FGF14: variants seen among roughly 807,000 people sequenced by gnomAD.
The protein encoded by FGF14 is fibroblast growth factor homologous factor 4.
A neutral mutation model predicts 25.5 loss-of-function variants in FGF14; 5 were observed. The ratio of observed to expected loss-of-function variants is 0.20; its 90% confidence interval spans 0.10 to 0.41. The LOEUF is 0.41. FGF14 is among the 10% of genes least tolerant of loss of function. The pLI is 1.00. For missense variants in FGF14, 222 were observed against 320.1 expected, an observed-to-expected ratio of 0.69 and a Z score of 2.34; for synonymous variants, 138 against 118.3, an observed-to-expected ratio of 1.17 and a Z score of -1.08.
chr13:102,307,289 C>G (rs1029650981), intron 1 of FGF14, among the ~76,000 whole-genome samples: 1 of 152,100 alleles, frequency 6.6e-6, no homozygotes, highest in Non-Finnish European at 1.5e-5. Context: ...GGAACGCAGG[C>G]CCCTGATGCC....
chr13:101,901,854 T>A (rs1024502682), intron 1 of FGF14, among the ~76,000 whole-genome samples: 4 of 152,204 alleles, frequency 2.6e-5, no homozygotes, highest in Non-Finnish European at 5.9e-5. Context: ...GTTTCCATTC[T>A]TTCGTTTGAA....
At chr13:101,759,425 G>C (rs894226503) in intron 3 of FGF14, among the ~76,000 whole-genome samples, 2 of 152,206 alleles carry the variant, frequency 1.3e-5, no homozygotes, top group Admixed American at 1.3e-4. Context: ...GGTGGGGCCA[G>C]TGGTGCAGCC....
intron 1 of FGF14, among the ~76,000 whole-genome samples, chr13:102,113,675 C>T (rs1471275323): frequency 3.9e-5 from 6 of 152,186 alleles, no homozygotes; most frequent in African/African-American, 1.2e-4. Flanking sequence ...ATGGACGGTG[C>T]TGCTGTGTAG....
chr13:101,936,733 C>T (rs1480724886), intron 1 of FGF14, among the ~76,000 whole-genome samples: 1 of 152,064 alleles, frequency 6.6e-6, no homozygotes, highest in African/African-American at 2.4e-5. Flanking sequence ...CACTATCTTC[C>T]CCACAATACT....
chr13:102,055,153 T>C (rs1032439351), intron 1 of FGF14, among the ~76,000 whole-genome samples: 7 of 152,232 alleles, frequency 4.6e-5, no homozygotes, highest in Non-Finnish European at 8.8e-5. Context: ...AAATCCAACC[T>C]AGTTTTTCAG....
chr13:101,879,920 T>C (rs894044012), intron 1 of FGF14, among the ~76,000 whole-genome samples: 1 of 152,042 alleles, frequency 6.6e-6, no homozygotes, highest in Non-Finnish European at 1.5e-5. Context: ...ACCACAAAAA[T>C]AAACTGTGTC....
intron 1 of FGF14, among the ~76,000 whole-genome samples, chr13:102,280,769 A>C (rs1594704100): frequency 6.6e-6 from 1 of 152,222 alleles, no homozygotes; most frequent in East Asian, 1.9e-4. Flanking sequence ...ACAAACAAAC[A>C]AGATCTAGAG....
At chr13:102,030,487 A>G (rs976206558) in intron 1 of FGF14, among the ~76,000 whole-genome samples, 50 of 152,260 alleles carry the variant, frequency 3.3e-4, no homozygotes, top group African/African-American at 1.2e-3. Context: ...TTCTTGAGAC[A>G]GTCACCAGGC....
At chr13:102,173,443 G>T (rs1275088779) in intron 1 of FGF14, among the ~76,000 whole-genome samples, 2 of 152,078 alleles carry the variant, frequency 1.3e-5, no homozygotes, top group Non-Finnish European at 2.9e-5. Flanking sequence ...ATCAAAAATA[G>T]AACTGCCATG....
chr13:102,042,105 CTG>C (rs994525647), intron 1 of FGF14, among the ~76,000 whole-genome samples: 5 of 152,160 alleles, frequency 3.3e-5, no homozygotes, highest in African/African-American at 1.2e-4. Context: ...TTGTAAAAGA[CTG>C]AATCAATTTT....
At chr13:102,236,705 T>A (rs2051342318) in intron 1 of FGF14, among the ~76,000 whole-genome samples, 1 of 152,132 alleles carries the variant, frequency 6.6e-6, no homozygotes, top group Admixed American at 6.5e-5. Context: ...GTCAAACAAT[T>A]CACACTGAGC....
chr13:101,832,439 G>C (rs1465826543), intron 3 of FGF14, among the ~76,000 whole-genome samples: 1 of 152,010 alleles, frequency 6.6e-6, no homozygotes, highest in Non-Finnish European at 1.5e-5. Flanking sequence ...GAAAAGGTGG[G>C]GAACTCAGAT....
At chr13:102,226,071 C>A (rs1336694) in intron 1 of FGF14, among the ~76,000 whole-genome samples, 6 of 151,972 alleles carry the variant, frequency 3.9e-5, no homozygotes, top group African/African-American at 1.5e-4. Flanking sequence ...TTGGTTCACG[C>A]GTGTTGCAAT....
At chr13:101,880,091 C>T (rs1426693447) in intron 1 of FGF14, among the ~76,000 whole-genome samples, 1 of 152,148 alleles carries the variant, frequency 6.6e-6, no homozygotes, top group African/African-American at 2.4e-5. Flanking sequence ...CCTCGAGAAC[C>T]CCTTCCCTCT....
intron 1 of FGF14, among the ~76,000 whole-genome samples, chr13:101,948,659 G>C (rs545380009): frequency 6.6e-6 from 1 of 151,852 alleles, no homozygotes; most frequent in Admixed American, 6.6e-5. Flanking sequence ...CAATACATAA[G>C]CTTCCCAATA....
At chr13:101,823,975 A>C (rs981141998) in intron 3 of FGF14, among the ~76,000 whole-genome samples, 1 of 151,796 alleles carries the variant, frequency 6.6e-6, no homozygotes, top group African/African-American at 2.4e-5. Flanking sequence ...ACATAATTCT[A>C]TGTTCTGTTA....
chr13:101,831,723 C>T (rs2042679496), intron 3 of FGF14, among the ~76,000 whole-genome samples: 1 of 152,096 alleles, frequency 6.6e-6, no homozygotes, highest in African/African-American at 2.4e-5. Context: ...ATTCACCTGT[C>T]AATGAGCTAG....
intron 3 of FGF14, among the ~76,000 whole-genome samples, chr13:101,769,371 A>C (rs762641855): frequency 5.9e-5 from 9 of 152,042 alleles, no homozygotes; most frequent in Non-Finnish European, 1.3e-4. Context: ...AAAATGGTAC[A>C]ACCACTTTAG....
intron 1 of FGF14, among the ~76,000 whole-genome samples, chr13:102,126,261 CT>C (rs1216231474): frequency 2.7e-4 from 41 of 152,284 alleles, no homozygotes; most frequent in African/African-American, 8.9e-4. Flanking sequence ...CTCTAATCTA[CT>C]TTAGGTCTCT....
Sources: gnomAD v4.1 joint callset for allele counts (sites outside exome capture counted in the v4.1 genomes callset) on GRCh38, gnomAD v4.1.1 for gene constraint, MANE v1.5 for transcripts, NCBI Gene and HGNC (gene_info 2026-07-23, HGNC 2026-07-21) for gene names.